Variants in CRYAB observed in about 807,000 individuals in gnomAD.
CRYAB encodes crystallin alpha B.
CRYAB carries 9 observed loss-of-function variants against 12.7 expected under a neutral mutation model. That is an observed-to-expected ratio of 0.71 (90% CI 0.43 to 1.24). CRYAB has a LOEUF of 1.24. Ranked by LOEUF, CRYAB falls within the 50% of genes most tolerant of loss-of-function variation. The pLI is 0.00. For missense variants in CRYAB, 183 were observed against 226.6 expected (o/e 0.81, Z 1.24); for synonymous variants, 93 against 86.8 (o/e 1.07, Z -0.40).
chr11:111,915,155 G>C (rs1469740955), upstream of CRYAB, among the ~76,000 whole-genome samples: 3 of 152,192 alleles, frequency 2.0e-5, no homozygotes, highest in African/African-American at 7.2e-5. Context: ...TCTGACAAAA[G>C]CTATAGCTGC....
At chr11:111,912,487 G>C (rs1000792864), upstream of CRYAB, 10 of 400,844 alleles carry the variant, frequency 2.5e-5, no homozygotes, top group Admixed American at 2.8e-4. Context: ...CCGTTTGTGA[G>C]GGTCTCAGCG....
upstream of CRYAB, chr11:111,911,900 A>T: frequency 1.6e-6 from 1 of 613,654 alleles, no homozygotes; most frequent in South Asian, 1.9e-5. Context: ...TGGCAATGTG[A>T]CACATACCCA....
Position 111,911,704 on chromosome 11 carries a change from G to A in CRYAB, c.21C>T (p.His7=), listed in dbSNP as rs1555165608. ...GAAAGAAGGGGCGGCGGATCCAGGG[G>A]TGGTGGATGGCGATGTCCATGGTGG... MDIAIH[H]PWIRRPFFPF... Residue 7 remains histidine (H), a synonymous_variant, in exon 1 of 3, where the codon CAC becomes CAT. Coordinates refer to ENST00000650687, the MANE Select transcript of CRYAB (RefSeq NM_001289808.2). 2.5e-6 allele frequency: 4 copies of A among 1,592,026 alleles called. No homozygotes were observed. Among genetic ancestry groups the A allele is most frequent in the East Asian group, 4.5e-5 (2 of 44,184 alleles).
At chr11:111,921,990 G>A (rs587675248) in intron 1 of CRYAB, among the ~76,000 whole-genome samples, 16 of 152,224 alleles carry the variant, frequency 1.1e-4, no homozygotes, top group African/African-American at 3.6e-4. Flanking sequence ...GTGCCACCAC[G>A]CCCAGCTAAT....
chr11:111,908,580 A>G lies in CRYAB; in HGVS notation c.*184T>C, dbSNP rs1555165187. 3 of 614,500 alleles carry G rather than the reference A, an allele frequency of 4.9e-6. No individual in the cohort carries two copies. The highest frequency in any genetic ancestry group is 5.7e-5 in the East Asian group (2 of 35,300). The allele number at this position is 614,500 out of a possible 1,614,324, so 38.1% of individuals were successfully genotyped here. On this transcript the variant is annotated 3_prime_UTR_variant, in exon 3 of 3. Coordinates refer to ENST00000650687, the MANE Select transcript of CRYAB (RefSeq NM_001289808.2). ...ATAAATAGATCTGTGGTATCTGTAT[A>G]TTTATTTAAAAGTGTGTGGAATATT...
chr11:111,918,228 G>T (rs72991407), upstream of CRYAB: 107 of 153,624 alleles, frequency 7.0e-4, no homozygotes, highest in Non-Finnish European at 1.3e-3. Context: ...GAGTTGAGGG[G>T]TAAGTGGAGA....
At chr11:111,918,883 A>G in intron 1 of CRYAB, 1 of 1,476,388 alleles carries the variant, frequency 6.8e-7, no homozygotes, top group Non-Finnish European at 9.4e-7. Flanking sequence ...AGACTCCGGG[A>G]GCTGCCGCGG....
At chr11:111,915,723 C>T (rs1555166068), upstream of CRYAB, among the ~76,000 whole-genome samples, 1 of 152,148 alleles carries the variant, frequency 6.6e-6, no homozygotes, top group African/African-American at 2.4e-5. Context: ...CTTAGAACTT[C>T]TCACGGTAGT....
At chr11:111,909,380 TAA>T (rs57155014) in intron 2 of CRYAB, 24,833 of 313,786 alleles carry the variant, frequency 0.079, 50 homozygotes, top group East Asian at 0.12. Context: ...CTGCTGAAAT[TAA>T]AAAAAAAAAA....
At chr11:111,914,648 G>A (rs587660284), upstream of CRYAB, among the ~76,000 whole-genome samples, 4 of 152,302 alleles carry the variant, frequency 2.6e-5, no homozygotes, top group African/African-American at 9.6e-5. Context: ...CCTGAGGTCT[G>A]TCCCCTCAGT....
intron 1 of CRYAB, 49 bp downstream of exon 1, chr11:111,911,475 C>T (rs782489685): frequency 1.9e-6 from 3 of 1,556,980 alleles, no homozygotes; most frequent in South Asian, 2.3e-5. Flanking sequence ...GAGAAGTTTC[C>T]AGGAGGTTCC....
chr11:111,918,823 C>A, intron 1 of CRYAB: 1 of 791,118 alleles, frequency 1.3e-6, no homozygotes, highest in South Asian at 1.4e-5. Context: ...ATCATTCCAG[C>A]AGGTGGCTTC....
chr11:111,914,052 G>C (rs1460108642), upstream of CRYAB: 18 of 708,776 alleles, frequency 2.5e-5, no homozygotes, highest in Non-Finnish European at 3.7e-5. Context: ...CATAGCCTTG[G>C]TTTAGTTTTG....
At chr11:111,914,025 G>T, upstream of CRYAB, 1 of 822,604 alleles carries the variant, frequency 1.2e-6, no homozygotes, top group South Asian at 1.8e-5. Context: ...TGTATGGTTT[G>T]GTCCCATGGG....
chr11:111,912,688 C>CCCCACAG, upstream of CRYAB: 1 of 533,978 alleles, frequency 1.9e-6, no homozygotes, highest in Non-Finnish European at 3.3e-6. Flanking sequence ...CCCTCCCCCC[C>CCCCACAG]CAAGAGGCTC....
rs904816695 is a variant in CRYAB at position 111,910,709 on chromosome 11, C to A, written c.202-260G>T. 4.4e-4 allele frequency: 236 copies of A among 540,624 alleles called. 3 individuals carry two copies. Among genetic ancestry groups the A allele is most frequent in the South Asian group, 1.5e-3 (74 of 49,028 alleles). 33.5% of individuals were successfully genotyped at this position (540,624 alleles called of 1,614,324 possible). On this transcript the variant is annotated intron_variant, in intron 1 of 2. Coordinates refer to ENST00000650687, the MANE Select transcript of CRYAB (RefSeq NM_001289808.2). The stretch of plus-strand genomic sequence containing the variant: ...AAGACAGATCACCCAGGGGACCAGT[C>A]GCAAGGATGGGTGCAAGCCTGGCAT...
At chr11:111,916,772 A>G (rs1021702370), upstream of CRYAB, among the ~76,000 whole-genome samples, 3 of 152,056 alleles carry the variant, frequency 2.0e-5, no homozygotes, top group Admixed American at 2.0e-4. Context: ...ACAATGGTCT[A>G]TTCCTCTATT....
upstream of CRYAB, chr11:111,913,637 G>C: frequency 6.2e-7 from 1 of 1,614,160 alleles, no homozygotes; most frequent in Non-Finnish European, 8.5e-7. Flanking sequence ...ATAACCTGCT[G>C]GAGGTGTCTG....
chr11:111,913,586 G>C, upstream of CRYAB: 1 of 1,614,196 alleles, frequency 6.2e-7, no homozygotes, highest in South Asian at 1.1e-5. Context: ...TTCTGGATGT[G>C]AGCCACTTTA....
Sources: allele counts gnomAD v4.1 joint callset (sites outside exome capture counted in the v4.1 genomes callset), GRCh38; gene constraint gnomAD v4.1.1; transcripts MANE v1.5; gene names NCBI Gene and HGNC (gene_info 2026-07-23, HGNC 2026-07-21).